FER1L6: variants seen among roughly 807,000 people sequenced by gnomAD.
FER1L6 encodes the protein fer-1 like family member 6.
FER1L6 carries 177 observed loss-of-function variants against 219.2 expected under a neutral mutation model. The observed-to-expected ratio is 0.81, with a 90% confidence interval of 0.71 to 0.91. The LOEUF is 0.91. Ranked by LOEUF, FER1L6 falls within the 40% of genes least tolerant of loss-of-function variation. The probability of loss-of-function intolerance (pLI) is 0.00; values close to 1 mark genes in which losing one functional copy is unlikely to be tolerated. For missense variants in FER1L6, 2,153 were observed against 2,259.9 expected, an observed-to-expected ratio of 0.95 and a Z score of 0.96; for synonymous variants, 768 against 824.3, an observed-to-expected ratio of 0.93 and a Z score of 1.17.
intron 7 of FER1L6, among the ~76,000 whole-genome samples, chr8:123,974,064 G>C (rs1815941409): frequency 1.3e-5 from 2 of 152,142 alleles, no homozygotes; most frequent in Non-Finnish European, 2.9e-5. Flanking sequence ...TGATTTGTAG[G>C]AAAGAGAAAC....
At chr8:124,096,118 C>T (rs112618847) in intron 35 of FER1L6, among the ~76,000 whole-genome samples, 4,313 of 152,244 alleles carry the variant, frequency 0.028, 204 homozygotes, top group African/African-American at 0.099. Flanking sequence ...TGGACGACCG[C>T]GTTGAGAGGG....
At chr8:123,896,703 A>C (rs774118849) in intron 1 of FER1L6, among the ~76,000 whole-genome samples, 24 of 152,080 alleles carry the variant, frequency 1.6e-4, no homozygotes, top group Admixed American at 7.9e-4. Flanking sequence ...TTCCTTCTTA[A>C]AGACACATAA....
chr8:123,889,750 A>G (rs1421491315), intron 1 of FER1L6, among the ~76,000 whole-genome samples: 1 of 152,114 alleles, frequency 6.6e-6, no homozygotes, highest in Non-Finnish European at 1.5e-5. Flanking sequence ...ATGACAGAAG[A>G]AAGGAACCAG....
rs149310915 is a variant in FER1L6 at position 123,937,314 on chromosome 8, C to T, written c.-7-18678C>T. Among the ~76,000 whole-genome samples, 698 of 152,294 alleles carry T rather than the reference C, an allele frequency of 4.6e-3. 5 individuals are homozygous for T. The highest frequency in any genetic ancestry group is 7.6e-3 in the Non-Finnish European group (520 of 68,018). ...ACCTTCCATTCATCAAGAAAGGCCT[C>T]GTACTAAAATACTTAAATTCTTTTA... On this transcript the variant is annotated intron_variant, in intron 1 of 40. Coordinates refer to ENST00000522917, the MANE Select transcript of FER1L6 (RefSeq NM_001039112.2).
At position 124,060,201 on chromosome 8, in the gene FER1L6, G is replaced by GGCCTCCC; in HGVS notation, c.2897_2903dup (p.Val970ProfsTer4). ...GTAGGTTCCTCCTTCTGGGCTGCAA[G>GGCCTCCC]GCCTCCCACCCGTTGAGCCACCAGA... On this transcript the variant is annotated frameshift_variant, in exon 23 of 41. Coordinates refer to ENST00000522917, the MANE Select transcript of FER1L6 (RefSeq NM_001039112.2). LOFTEE classifies it high-confidence loss of function. 1 of 1,614,082 alleles carries GGCCTCCC rather than the reference G, an allele frequency of 6.2e-7. No individual in the cohort carries two copies. The highest frequency in any genetic ancestry group is 8.5e-7 in the Non-Finnish European group (1 of 1,179,996).
intron 18 of FER1L6, among the ~76,000 whole-genome samples, chr8:124,030,338 T>TG (rs1818902553): frequency 6.6e-6 from 1 of 152,190 alleles, no homozygotes; most frequent in Admixed American, 6.5e-5. Flanking sequence ...GGTCCCGGGT[T>TG]GCATGATCTT....
intron 16 of FER1L6, among the ~76,000 whole-genome samples, chr8:124,018,857 G>A (rs571842122): frequency 3.9e-5 from 6 of 152,236 alleles, no homozygotes; most frequent in Middle Eastern, 6.8e-3. Flanking sequence ...TTTCAACATT[G>A]GCTCTTTATC....
At chr8:123,898,145 T>G (rs917360190) in intron 1 of FER1L6, among the ~76,000 whole-genome samples, 1 of 152,146 alleles carries the variant, frequency 6.6e-6, no homozygotes, top group Non-Finnish European at 1.5e-5. Flanking sequence ...AAATAAAAAA[T>G]CAGTTATTAT....
At chr8:123,943,085 GT>G (rs1814328621) in intron 1 of FER1L6, among the ~76,000 whole-genome samples, 1 of 152,210 alleles carries the variant, frequency 6.6e-6, no homozygotes, top group Non-Finnish European at 1.5e-5. Flanking sequence ...TGTACATTGA[GT>G]ACAATAACAA....
intron 39 of FER1L6, among the ~76,000 whole-genome samples, chr8:124,110,521 A>G (rs1822978503): frequency 6.6e-6 from 1 of 152,138 alleles, no homozygotes; most frequent in Non-Finnish European, 1.5e-5. Flanking sequence ...GTCTGAGGTG[A>G]TATTTCTGGG....
intron 22 of FER1L6, among the ~76,000 whole-genome samples, chr8:124,055,664 C>T (rs1284874492): frequency 6.6e-6 from 1 of 152,076 alleles, no homozygotes; most frequent in African/African-American, 2.4e-5. Context: ...TCTGGAAAGT[C>T]CACCTCCCTT....
At chr8:124,032,936 A>T (rs1285247315) in intron 18 of FER1L6, among the ~76,000 whole-genome samples, 1 of 152,158 alleles carries the variant, frequency 6.6e-6, no homozygotes, top group Non-Finnish European at 1.5e-5. Context: ...GTTGAATTTG[A>T]GTGTGCATTT....
chr8:123,867,823 A>G (rs747670630), intron 1 of FER1L6, among the ~76,000 whole-genome samples: 17 of 152,162 alleles, frequency 1.1e-4, no homozygotes, highest in Non-Finnish European at 2.1e-4. Context: ...CACATGTCAT[A>G]AATGTGTAAC....
At chr8:123,858,790 C>A (rs937922816) in intron 1 of FER1L6, among the ~76,000 whole-genome samples, 1 of 152,114 alleles carries the variant, frequency 6.6e-6, no homozygotes, top group African/African-American at 2.4e-5. Context: ...CAATGATCAA[C>A]CTTCAGAGTT....
At chr8:123,943,370 G>T (rs190524888) in intron 1 of FER1L6, among the ~76,000 whole-genome samples, 2 of 152,028 alleles carry the variant, frequency 1.3e-5, no homozygotes, top group South Asian at 2.1e-4. Flanking sequence ...ACATATTGGC[G>T]GCCCCTCCTC....
intron 8 of FER1L6, 53 bp downstream of exon 8, chr8:123,975,359 T>C (rs1191413532): frequency 6.7e-7 from 1 of 1,486,900 alleles, no homozygotes; most frequent in Admixed American, 2.0e-5. Context: ...CCAATTTTAA[T>C]CTCTTTCCCC....
intron 1 of FER1L6, among the ~76,000 whole-genome samples, chr8:123,875,593 T>C (rs1359646655): frequency 2.0e-5 from 3 of 152,214 alleles, no homozygotes; most frequent in Non-Finnish European, 2.9e-5. Flanking sequence ...GAATTCCATA[T>C]ATGTATATAC....
intron 6 of FER1L6, among the ~76,000 whole-genome samples, chr8:123,972,626 G>T (rs1394469662): frequency 3.3e-5 from 5 of 152,164 alleles, no homozygotes; most frequent in Non-Finnish European, 7.4e-5. Context: ...TATAAACATT[G>T]TTCTTATATT....
At chr8:123,942,347 TG>T (rs1814275221) in intron 1 of FER1L6, among the ~76,000 whole-genome samples, 2 of 152,114 alleles carry the variant, frequency 1.3e-5, no homozygotes, top group Admixed American at 1.3e-4. Context: ...AACACAAAGG[TG>T]CACAATGGAG....
Sources: gnomAD v4.1 joint callset for allele counts (sites outside exome capture counted in the v4.1 genomes callset) on GRCh38, gnomAD v4.1.1 for gene constraint, MANE v1.5 for transcripts, NCBI Gene and HGNC (gene_info 2026-07-23, HGNC 2026-07-21) for gene names.